Variants in ITPR2 observed in about 807,000 individuals in gnomAD.
ITPR2 encodes the protein inositol 1,4,5-trisphosphate-gated calcium channel ITPR2.
A neutral mutation model predicts 317.1 loss-of-function variants in ITPR2; 207 were observed. The observed-to-expected ratio is 0.65, with a 90% CI of 0.58 to 0.73. The LOEUF (loss-of-function observed/expected upper bound fraction) is 0.73, where lower values mean the gene tolerates loss of function less well. ITPR2 is among the 30% of genes least tolerant of loss of function. The probability of loss-of-function intolerance (pLI) is 0.00; values close to 1 mark genes in which losing one functional copy is unlikely to be tolerated. For missense variants in ITPR2, 2,613 were observed against 3,284.0 expected (o/e 0.80, Z 4.99); for synonymous variants, 1,156 against 1,149.1 (o/e 1.01, Z -0.12).
chr12:26,743,583 G>T (rs16931325), intron 2 of ITPR2, among the ~76,000 whole-genome samples: 16,914 of 152,116 alleles, frequency 0.11, 1,287 homozygotes, highest in African/African-American at 0.21. Context: ...TACCCTACCA[G>T]TTGCCTACAT....
chr12:26,738,870 A>G (rs1270376264), intron 2 of ITPR2, among the ~76,000 whole-genome samples: 2 of 152,234 alleles, frequency 1.3e-5, no homozygotes, highest in African/African-American at 4.8e-5. Context: ...AATTTAGATG[A>G]GTTGAACATT....
intron 9 of ITPR2, among the ~76,000 whole-genome samples, chr12:26,701,106 CA>C (rs1948437310): frequency 6.6e-6 from 1 of 151,820 alleles, no homozygotes; most frequent in African/African-American, 2.4e-5. Flanking sequence ...ATTAACTGGC[CA>C]AAGAAGAATA....
rs752178242 is a variant in ITPR2, at chr12:26,621,180, G to T, written c.3405C>A (p.Asn1135Lys). 1.2e-5 allele frequency: 19 copies of T among 1,613,714 alleles called. No homozygotes were observed. The highest frequency in any genetic ancestry group is 8.3e-5 in the Admixed American group (5 of 59,990). Reference protein sequence around the residue: ...KSELWVEKSSNYENGEIGESQ... With the variant: ...KSELWVEKSSKYENGEIGESQ... ...TTTCCCCTATTTCTCCATTCTCATAGTTGCTGCTCTTCTCCACCCATAGCT... is the reference window on the plus strand; with the variant it reads ...TTTCCCCTATTTCTCCATTCTCATATTTGCTGCTCTTCTCCACCCATAGCT... The change falls in exon 26 of 57, where the codon AAC becomes AAA. Residue 1135 changes from asparagine (N) to lysine (K), a missense_variant. By Grantham distance (94) the Asn-to-Lys change is moderately conservative. This residue lies in a region of ITPR2 where 817 missense variants were observed against 897.6 expected (regional missense o/e 0.91). Transcript: ENST00000381340.
At chr12:26,593,747 T>G (rs12828433) in intron 32 of ITPR2, among the ~76,000 whole-genome samples, 8,425 of 151,550 alleles carry the variant, frequency 0.056, 237 homozygotes, top group Admixed American at 0.067. Context: ...GTTTTTTTTT[T>G]TGTGTTTTTC....
intron 45 of ITPR2, among the ~76,000 whole-genome samples, chr12:26,449,564 G>C (rs1941690402): frequency 6.6e-6 from 1 of 152,116 alleles, no homozygotes; most frequent in Admixed American, 6.5e-5. Flanking sequence ...GGAAAAATGA[G>C]GGCAGAATTA....
intron 55 of ITPR2, among the ~76,000 whole-genome samples, chr12:26,382,910 T>C (rs982004576): frequency 2.0e-5 from 3 of 152,200 alleles, no homozygotes; most frequent in African/African-American, 4.8e-5. Context: ...CTCTATTATC[T>C]GAATTTTACA....
intron 55 of ITPR2, among the ~76,000 whole-genome samples, chr12:26,344,131 G>A (rs751295480): frequency 6.6e-6 from 1 of 152,050 alleles, no homozygotes; most frequent in Non-Finnish European, 1.5e-5. Context: ...CTCACCAGAC[G>A]TGGGCACCTT....
intron 44 of ITPR2, 63 bp from the exon 45 acceptor site, chr12:26,475,481 G>C: frequency 1.3e-6 from 2 of 1,551,628 alleles, no homozygotes; most frequent in Non-Finnish European, 1.7e-6. Flanking sequence ...ATTTTTATGA[G>C]ATTTAATTAA....
intron 26 of ITPR2, among the ~76,000 whole-genome samples, chr12:26,603,447 CA>C (rs553162107): frequency 7.4e-4 from 112 of 152,192 alleles, no homozygotes; most frequent in Middle Eastern, 3.4e-3. Flanking sequence ...ACACCAGTGA[CA>C]AAAAATTCCA....
At chr12:26,481,015 C>G in intron 43 of ITPR2, 116 bp downstream of exon 43, 1 of 562,526 alleles carries the variant, frequency 1.8e-6, no homozygotes, top group Admixed American at 3.2e-5. Context: ...CTTTCACTAT[C>G]CCTTTCTGTC....
intron 34 of ITPR2, among the ~76,000 whole-genome samples, chr12:26,565,758 C>CGAATAT (rs369784256): frequency 6.7e-6 from 1 of 148,838 alleles, no homozygotes; most frequent in East Asian, 2.0e-4. Flanking sequence ...CACTGTGATG[C>CGAATAT]GAATAGCCAC....
chr12:26,684,442 A>G (rs559450402), intron 11 of ITPR2, among the ~76,000 whole-genome samples: 1 of 152,308 alleles, frequency 6.6e-6, no homozygotes, highest in African/African-American at 2.4e-5. Flanking sequence ...CACTGTTCCA[A>G]CTCAGTCTCT....
chr12:26,655,630 AAAG>A, intron 20 of ITPR2, 75 bp downstream of exon 20: 2 of 1,267,676 alleles, frequency 1.6e-6, no homozygotes, highest in South Asian at 1.5e-5. Flanking sequence ...AAAAAAAAAA[AAAG>A]CAGAGAAAAT....
chr12:26,622,486 T>C, intron 24 of ITPR2, 81 bp from the exon 25 acceptor site: 1 of 1,092,044 alleles, frequency 9.2e-7, no homozygotes, highest in Non-Finnish European at 1.3e-6. Flanking sequence ...ATACGTATTC[T>C]CAGAGGTATA....
At chr12:26,359,481 CA>C (rs1938753773) in intron 55 of ITPR2, among the ~76,000 whole-genome samples, 1 of 152,100 alleles carries the variant, frequency 6.6e-6, no homozygotes, top group African/African-American at 2.4e-5. Context: ...TGCATGTGAT[CA>C]GATTAGTATT....
At position 26,725,534 on chromosome 12, in the gene ITPR2, G is replaced by A. The variant is rs1165784590; in HGVS notation, c.279+116C>T. The A allele has an allele frequency of 1.2e-5, 8 of 677,434 alleles. No individual in the cohort carries two copies. In the African/African-American group the frequency reaches 1.3e-4, roughly 11 times the overall value. 42.0% of individuals were successfully genotyped at this position (677,434 alleles called of 1,614,324 possible). A position where few individuals can be genotyped will look rare whatever the true frequency, so the allele number is the denominator to read the frequency against. Reference sequence around the variant, plus strand: ...TTCTACTTTCAATGTGTTGCTATATGTATTCTAAATCTCTGTGTTTTGGGT... The same window carrying A: ...TTCTACTTTCAATGTGTTGCTATATATATTCTAAATCTCTGTGTTTTGGGT... On this transcript the variant is annotated intron_variant, in intron 3 of 56. Transcript: ENST00000381340.
chr12:26,719,290 G>A (rs11609241), intron 5 of ITPR2, among the ~76,000 whole-genome samples: 14,651 of 152,232 alleles, frequency 0.096, 1,782 homozygotes, highest in East Asian at 0.5. Flanking sequence ...GATGGGGTCA[G>A]GTGCTTTCTG....
At chr12:26,346,029 T>C (rs138507732) in intron 55 of ITPR2, among the ~76,000 whole-genome samples, 2 of 152,252 alleles carry the variant, frequency 1.3e-5, no homozygotes, top group African/African-American at 4.8e-5. Flanking sequence ...GACCACAGGG[T>C]AGTATAAAGT....
chr12:26,470,757 A>G (rs1942275411), intron 45 of ITPR2, among the ~76,000 whole-genome samples: 1 of 152,228 alleles, frequency 6.6e-6, no homozygotes, highest in African/African-American at 2.4e-5. Flanking sequence ...AATATGCATC[A>G]GGAACCATAA....
Sources: gnomAD v4.1 joint callset for allele counts (sites outside exome capture counted in the v4.1 genomes callset) on GRCh38, gnomAD v4.1.1 for gene constraint, gnomAD v4.1.1 regional missense constraint, MANE v1.5 for transcripts, NCBI Gene and HGNC (gene_info 2026-07-23, HGNC 2026-07-21) for gene names.